ROBO1: variants seen among roughly 807,000 people sequenced by gnomAD.
The protein encoded by ROBO1 is roundabout homolog 1.
ROBO1 carries 149 observed loss-of-function variants against 195.9 expected under a neutral mutation model. The ratio of observed to expected loss-of-function variants is 0.76; its 90% CI spans 0.67 to 0.87. The LOEUF (loss-of-function observed/expected upper bound fraction) is 0.87. Ranked by LOEUF, ROBO1 falls within the 40% of genes least tolerant of loss-of-function variation. ROBO1 has a pLI of 0.00. For synonymous variants in ROBO1, 816 were observed against 733.2 expected, an observed-to-expected ratio of 1.11 and a Z score of -1.82; for missense variants, 1,933 against 2,068.3, an observed-to-expected ratio of 0.93 and a Z score of 1.27.
intron 3 of ROBO1, among the ~76,000 whole-genome samples, chr3:79,053,799 C>T (rs764455677): frequency 7.2e-5 from 11 of 152,056 alleles, no homozygotes; most frequent in Non-Finnish European, 1.5e-4. Flanking sequence ...AACTTCAGTG[C>T]AATGCTTATT....
chr3:79,415,139 T>G (rs1033354199), intron 2 of ROBO1, among the ~76,000 whole-genome samples: 6 of 152,108 alleles, frequency 3.9e-5, no homozygotes, highest in African/African-American at 1.2e-4. Context: ...GTCGAAAGCC[T>G]TCTGCCATTC....
intron 4 of ROBO1, among the ~76,000 whole-genome samples, chr3:78,926,045 AT>A (rs945171696): frequency 1.3e-5 from 2 of 152,038 alleles, no homozygotes; most frequent in Non-Finnish European, 2.9e-5. Context: ...TAATTCTAGC[AT>A]TTTTAGGAGA....
At chr3:79,128,463 A>T (rs1002639418) in intron 2 of ROBO1, among the ~76,000 whole-genome samples, 4 of 152,288 alleles carry the variant, frequency 2.6e-5, no homozygotes, top group African/African-American at 9.6e-5. Flanking sequence ...TGCAAACCTT[A>T]CTTAAGTGAT....
chr3:79,590,460 A>G (rs1398897809), intron 1 of ROBO1, among the ~76,000 whole-genome samples: 1 of 151,840 alleles, frequency 6.6e-6, no homozygotes, highest in Non-Finnish European at 1.5e-5. Context: ...ATTCACAAAC[A>G]GATTTTAAAA....
chr3:79,523,164 CA>C (rs34129124), intron 2 of ROBO1, among the ~76,000 whole-genome samples: 1 of 47,354 alleles, frequency 2.1e-5, no homozygotes, highest in African/African-American at 5.1e-4. Flanking sequence ...TCATAAACCA[CA>C]CACACACACA....
At chr3:79,238,671 G>A (rs1029909828) in intron 2 of ROBO1, among the ~76,000 whole-genome samples, 1 of 152,192 alleles carries the variant, frequency 6.6e-6, no homozygotes, top group East Asian at 1.9e-4. Context: ...ATCCAGGTGA[G>A]TTATGATGAT....
At chr3:79,700,886 A>G (rs9841479) in intron 1 of ROBO1, among the ~76,000 whole-genome samples, 43,183 of 151,574 alleles carry the variant, frequency 0.28, 7,176 homozygotes, top group African/African-American at 0.47. Context: ...GGACTTAGCC[A>G]TAAATTCTTT....
At chr3:78,956,788 C>T (rs2041070865) in intron 3 of ROBO1, among the ~76,000 whole-genome samples, 1 of 152,180 alleles carries the variant, frequency 6.6e-6, no homozygotes, top group Non-Finnish European at 1.5e-5. Context: ...AAGACACAGC[C>T]TTCCTGTAAG....
chr3:79,239,500 T>A (rs1019963449), intron 2 of ROBO1, among the ~76,000 whole-genome samples: 14 of 152,170 alleles, frequency 9.2e-5, no homozygotes, highest in African/African-American at 3.1e-4. Context: ...TTCCACAGCT[T>A]TTATATAATT....
intron 4 of ROBO1, among the ~76,000 whole-genome samples, chr3:78,928,146 C>G (rs1297261070): frequency 6.6e-6 from 1 of 152,114 alleles, no homozygotes; most frequent in African/African-American, 2.4e-5. Context: ...CAGAGCTGTA[C>G]TAAATAAATC....
intron 15 of ROBO1, 42 bp downstream of exon 15, chr3:78,661,951 A>G (rs766294696): frequency 1.9e-6 from 3 of 1,591,384 alleles, no homozygotes; most frequent in Non-Finnish European, 2.6e-6. Flanking sequence ...ATGATCTCGC[A>G]GACGCTTATT....
chr3:78,736,242 T>G (rs2082389232), intron 5 of ROBO1, among the ~76,000 whole-genome samples: 1 of 152,198 alleles, frequency 6.6e-6, no homozygotes. Flanking sequence ...AGACTAAATT[T>G]CTGACTTATA....
chr3:79,727,548 C>A (rs73849826), intron 1 of ROBO1, among the ~76,000 whole-genome samples: 4,736 of 151,672 alleles, frequency 0.031, 238 homozygotes, highest in African/African-American at 0.11. Flanking sequence ...TATTAAATAC[C>A]CACTTTGTGA....
chr3:78,920,629 T>TTTGTTG (rs2038888250), intron 4 of ROBO1, among the ~76,000 whole-genome samples: 1 of 129,212 alleles, frequency 7.7e-6, no homozygotes, highest in African/African-American at 3.2e-5. Flanking sequence ...TTTCAGTTTT[T>TTTGTTG]TTTTTTTTTT....
intron 2 of ROBO1, among the ~76,000 whole-genome samples, chr3:79,435,743 T>C (rs1036950440): frequency 2.6e-5 from 4 of 152,178 alleles, no homozygotes; most frequent in African/African-American, 9.6e-5. Flanking sequence ...CATTGGGTAT[T>C]CTCTTAATTT....
chr3:78,700,756 CT>C (rs2081399925), intron 8 of ROBO1, among the ~76,000 whole-genome samples: 17 of 119,964 alleles, frequency 1.4e-4, no homozygotes, highest in Non-Finnish European at 3.2e-4. Context: ...ATCTCCAGAT[CT>C]TTTTTTCTTT....
intron 4 of ROBO1, among the ~76,000 whole-genome samples, chr3:78,771,880 C>A (rs958837941): frequency 2.0e-5 from 3 of 152,024 alleles, no homozygotes; most frequent in Non-Finnish European, 4.4e-5. Context: ...GCCTTTTATT[C>A]CTTTCTATTT....
At chr3:78,682,589 T>G (rs1479256845) in intron 10 of ROBO1, among the ~76,000 whole-genome samples, 1 of 147,770 alleles carries the variant, frequency 6.8e-6, no homozygotes, top group Non-Finnish European at 1.5e-5. Context: ...TACAGAGTCA[T>G]GTCAAAAAAT....
At chr3:79,208,717 GTGTGCGCCTGCA>G (rs1413209848) in intron 2 of ROBO1, among the ~76,000 whole-genome samples, 1 of 151,706 alleles carries the variant, frequency 6.6e-6, no homozygotes, top group Non-Finnish European at 1.5e-5. Flanking sequence ...GTGTGTGTGT[GTGTGCGCCTGCA>G]TGCATGTGTG....
Sources: gnomAD v4.1 joint callset for allele counts (sites outside exome capture counted in the v4.1 genomes callset) on GRCh38, gnomAD v4.1.1 for gene constraint, MANE v1.5 for transcripts, NCBI Gene and HGNC (gene_info 2026-07-23, HGNC 2026-07-21) for gene names.